Variants in NUBPL observed in about 807,000 individuals in gnomAD.
The protein encoded by NUBPL is NUBP iron-sulfur cluster assembly factor, mitochondrial.
A neutral mutation model predicts 45.7 loss-of-function variants in NUBPL; 31 were observed. That is an observed-to-expected ratio of 0.68 (90% CI 0.51 to 0.92). The LOEUF is 0.92. NUBPL is among the 40% of genes least tolerant of loss of function. The pLI is 0.00. For missense variants in NUBPL, 401 were observed against 398.7 expected, an observed-to-expected ratio of 1.01 and a Z score of -0.05; for synonymous variants, 144 against 140.9, an observed-to-expected ratio of 1.02 and a Z score of -0.15.
chr14:31,583,495 G>C (rs1425859013), intron 3 of NUBPL, among the ~76,000 whole-genome samples: 1 of 152,194 alleles, frequency 6.6e-6, no homozygotes, highest in Admixed American at 6.5e-5. Context: ...AAGAAGTCCT[G>C]TCCTCAGGAA....
chr14:31,798,577 G>C (rs1051390056), intron 7 of NUBPL, among the ~76,000 whole-genome samples: 2 of 151,288 alleles, frequency 1.3e-5, no homozygotes, highest in African/African-American at 4.9e-5. Flanking sequence ...TGGATCATGG[G>C]GTCGGGAGAA....
At chr14:31,736,313 C>T (rs569212167) in intron 6 of NUBPL, among the ~76,000 whole-genome samples, 5 of 152,102 alleles carry the variant, frequency 3.3e-5, no homozygotes, top group African/African-American at 1.2e-4. Context: ...TTGTGCACAC[C>T]TGAATAACTA....
Position 31,562,186 on chromosome 14 carries a change from AG to A in NUBPL, c.230del (p.Gly77ValfsTer10). On this transcript the variant is annotated frameshift_variant, in exon 2 of 11. Coordinates refer to ENST00000281081, the MANE Select transcript of NUBPL (RefSeq NM_025152.3). LOFTEE classifies it high-confidence loss of function. ...VKQVIVVASGKGGVGKSTTAV... is the reference protein window; with the variant it reads ...VKQVIVVASGXGGVGKSTTAV... ...CAAGTTATAGTTGTGGCTTCTGGAA[AG>A]GGTGGAGTCGGAAAATCTACTACAG... 6.2e-7 allele frequency: 1 copy of A among 1,614,150 alleles called. No homozygotes were observed. Among genetic ancestry groups the A allele is most frequent in the South Asian group, 1.1e-5 (1 of 91,080 alleles).
intron 6 of NUBPL, among the ~76,000 whole-genome samples, chr14:31,760,572 T>G (rs2038785001): frequency 6.6e-6 from 1 of 152,280 alleles, no homozygotes. Context: ...CATGCAGTGT[T>G]TGTCTTTTTG....
At chr14:31,779,188 A>C (rs1340072894) in intron 6 of NUBPL, among the ~76,000 whole-genome samples, 1 of 152,032 alleles carries the variant, frequency 6.6e-6, no homozygotes, top group African/African-American at 2.4e-5. Context: ...CTAACATTAC[A>C]AAATTAGCTG....
intron 6 of NUBPL, among the ~76,000 whole-genome samples, chr14:31,716,652 C>T (rs962504260): frequency 6.6e-6 from 1 of 152,216 alleles, no homozygotes; most frequent in African/African-American, 2.4e-5. Flanking sequence ...TGCAATTCAT[C>T]TCTAGGAACC....
intron 6 of NUBPL, among the ~76,000 whole-genome samples, chr14:31,694,410 T>G (rs1030012997): frequency 5.3e-5 from 8 of 152,214 alleles, no homozygotes; most frequent in African/African-American, 1.7e-4. Context: ...TTTGGGCATT[T>G]TTTCACTCAT....
At chr14:31,825,288 T>G (rs2040078790) in intron 7 of NUBPL, among the ~76,000 whole-genome samples, 1 of 152,198 alleles carries the variant, frequency 6.6e-6, no homozygotes, top group African/African-American at 2.4e-5. Context: ...CCCTTCCATC[T>G]GTCATACTTC....
At chr14:31,774,038 T>C (rs928872020) in intron 6 of NUBPL, among the ~76,000 whole-genome samples, 1 of 152,244 alleles carries the variant, frequency 6.6e-6, no homozygotes, top group Non-Finnish European at 1.5e-5. Flanking sequence ...ATGATTTCTC[T>C]ATTTGTTCTT....
chr14:31,710,180 A>G (rs1052060292), intron 6 of NUBPL, among the ~76,000 whole-genome samples: 7 of 152,126 alleles, frequency 4.6e-5, no homozygotes, highest in South Asian at 2.1e-4. Flanking sequence ...ATTGGTCCCA[A>G]TGGCTTAGGA....
intron 3 of NUBPL, among the ~76,000 whole-genome samples, chr14:31,595,267 T>G (rs2034253409): frequency 6.6e-6 from 1 of 152,226 alleles, no homozygotes; most frequent in African/African-American, 2.4e-5. Context: ...ATCTTGGGGT[T>G]TGATCTATCT....
chr14:31,798,300 ATGGTT>A (rs1566566913), intron 7 of NUBPL, among the ~76,000 whole-genome samples: 2 of 87,274 alleles, frequency 2.3e-5, no homozygotes, highest in African/African-American at 4.2e-5. Context: ...GTATTTATTT[ATGGTT>A]TTTTTTTTTT....
intron 3 of NUBPL, among the ~76,000 whole-genome samples, chr14:31,592,122 T>C (rs1184314172): frequency 6.6e-6 from 1 of 151,732 alleles, no homozygotes; most frequent in Non-Finnish European, 1.5e-5. Context: ...AAAATGAGAG[T>C]AGACTGTGTG....
At chr14:31,613,970 T>G (rs1227970026) in intron 4 of NUBPL, among the ~76,000 whole-genome samples, 4 of 152,066 alleles carry the variant, frequency 2.6e-5, no homozygotes, top group Non-Finnish European at 5.9e-5. Context: ...AAATGGCTTG[T>G]GTATGTTTGT....
intron 3 of NUBPL, among the ~76,000 whole-genome samples, chr14:31,566,254 A>G (rs566574378): frequency 6.6e-6 from 1 of 152,146 alleles, no homozygotes; most frequent in Non-Finnish European, 1.5e-5. Flanking sequence ...ATAGATATTC[A>G]TGTCTTCTGA....
In NUBPL at chr14:31,802,157, G is replaced by A. The variant is rs578014729; in HGVS notation, c.607+14284G>A. The stretch of plus-strand genomic sequence containing the variant: ...CAGGAATGAGTTAATTCTCAAGGGA[G>A]TTAATTAGTTCTTACAGGAGGGAGG... On this transcript the variant is annotated intron_variant, in intron 7 of 10. Transcript: ENST00000281081. Among the ~76,000 whole-genome samples, 5 of 152,312 alleles carry A rather than the reference G, an allele frequency of 3.3e-5. No individual in the cohort carries two copies. The South Asian group carries it at 1.0e-3, about 32-fold the overall frequency.
intron 8 of NUBPL, chr14:31,843,948 G>A (rs1052425472): frequency 6.6e-6 from 1 of 152,212 alleles, no homozygotes; most frequent in Middle Eastern, 3.2e-3. Flanking sequence ...TAAGGATCAA[G>A]TCTGTTTTGC....
At chr14:31,729,940 A>AGT (rs2139973342) in intron 6 of NUBPL, among the ~76,000 whole-genome samples, 1 of 152,262 alleles carries the variant, frequency 6.6e-6, no homozygotes, top group African/African-American at 2.4e-5. Flanking sequence ...TATTGATGGC[A>AGT]GTGTTTCTCC....
intron 4 of NUBPL, among the ~76,000 whole-genome samples, chr14:31,636,855 T>C (rs1595406134): frequency 6.6e-6 from 1 of 152,234 alleles, no homozygotes; most frequent in African/African-American, 2.4e-5. Context: ...CCATTTCTTC[T>C]AGATTTTCTA....
Sources: gnomAD v4.1 joint callset for allele counts (sites outside exome capture counted in the v4.1 genomes callset) on GRCh38, gnomAD v4.1.1 for gene constraint, MANE v1.5 for transcripts, NCBI Gene and HGNC (gene_info 2026-07-23, HGNC 2026-07-21) for gene names.